KIF13A: variants seen among roughly 807,000 people sequenced by gnomAD.
The protein encoded by KIF13A is kinesin family member 13A, also known as kinesin-like protein KIF13A.
In KIF13A, 79 loss-of-function variants were observed where a neutral mutation model predicts 212.2. The observed-to-expected ratio is 0.37, with a 90% CI of 0.31 to 0.45. The LOEUF is 0.45. KIF13A is among the 20% of genes least tolerant of loss of function. The pLI is 1.00. For missense variants in KIF13A, 1,901 were observed against 2,209.0 expected, an observed-to-expected ratio of 0.86 and a Z score of 2.79; for synonymous variants, 789 against 808.6, an observed-to-expected ratio of 0.98 and a Z score of 0.41.
intron 18 of KIF13A, among the ~76,000 whole-genome samples, 182 bp from the exon 19 acceptor site, chr6:17,805,797 GCA>G (rs1306873867): frequency 6.6e-6 from 1 of 152,042 alleles, no homozygotes; most frequent in Non-Finnish European, 1.5e-5. Flanking sequence ...GTACACTCAT[GCA>G]CACTTTTTAA....
In KIF13A at chr6:17,899,202, G is replaced by A. The variant is rs1772841198; in HGVS notation, c.147-1022C>T. Among the ~76,000 whole-genome samples the A allele has an allele frequency of 6.6e-6, 1 of 152,022 alleles. No individual in the cohort carries two copies. The highest frequency in any genetic ancestry group is 1.5e-5 in the Non-Finnish European group (1 of 68,016). ...ATATTTTCTTCATGTATAAAATTAA[G>A]GAGCTCAATTATGATTTCTAAGTTA... On this transcript the variant is annotated intron_variant, in intron 2 of 38. Coordinates refer to ENST00000259711, the MANE Select transcript of KIF13A (RefSeq NM_022113.6). The surrounding 1 kb of genome is among the most constrained non-coding windows in gnomAD (Gnocchi z 5.2).
In KIF13A at chr6:17,888,548, C is replaced by T. The variant is rs1360653999; in HGVS notation, c.159+9620G>A. ...CACACTGAAAAGTAAAAGAGGCCAA[C>T]CATGGTGGCTTATGCCTGTAATCCC... On this transcript the variant is annotated intron_variant, in intron 3 of 38. Coordinates refer to ENST00000259711, the MANE Select transcript of KIF13A (RefSeq NM_022113.6). This position sits in a 1 kb window ranked among gnomAD's most constrained non-coding sequence, Gnocchi z 4.8. Among the ~76,000 whole-genome samples, 1 of 152,112 alleles carries T rather than the reference C, an allele frequency of 6.6e-6. No homozygotes were observed. Among genetic ancestry groups the T allele is most frequent in the African/African-American group, 2.4e-5 (1 of 41,434 alleles).
At chr6:17,940,421 A>T (rs1776860753) in intron 2 of KIF13A, among the ~76,000 whole-genome samples, 1 of 152,222 alleles carries the variant, frequency 6.6e-6, no homozygotes, top group Admixed American at 6.5e-5. Context: ...TGGAGAAAGC[A>T]TTACTGTTTA....
chr6:17,944,406 A>G (rs1170685920), intron 2 of KIF13A, among the ~76,000 whole-genome samples: 1 of 152,176 alleles, frequency 6.6e-6, no homozygotes, highest in Non-Finnish European at 1.5e-5. Flanking sequence ...GCTAGAACAC[A>G]AGTTACCATT....
rs895351647 is a variant in KIF13A at position 17,947,618 on chromosome 6, C to G, written c.146+39436G>C. Among the ~76,000 whole-genome samples the G allele has an allele frequency of 3.9e-5, 6 of 152,078 alleles. No individual in the cohort carries two copies. The highest frequency in any genetic ancestry group is 7.4e-5 in the Non-Finnish European group (5 of 68,010). On this transcript the variant is annotated intron_variant, in intron 2 of 38. Transcript: ENST00000259711. This position sits in a 1 kb window ranked among gnomAD's most constrained non-coding sequence, Gnocchi z 4.6. ...CCGAGGTGGGTGGATCACCTGAGGTCAGGAGTTTGAGACCAGCCGACCAGC... is the reference window on the plus strand; with the variant it reads ...CCGAGGTGGGTGGATCACCTGAGGTGAGGAGTTTGAGACCAGCCGACCAGC...
In KIF13A at chr6:17,987,591, G is replaced by A; in HGVS notation, c.-128C>T. The A allele has an allele frequency of 5.4e-6, 2 of 372,154 alleles. No homozygotes were observed. The highest frequency in any genetic ancestry group is 7.3e-6 in the Non-Finnish European group (2 of 272,778). 23.1% of individuals were successfully genotyped at this position (372,154 alleles called of 1,614,324 possible). A position where few individuals can be genotyped will look rare whatever the true frequency, so the allele number is the denominator to read the frequency against. On this transcript the variant is annotated 5_prime_UTR_variant, in exon 1 of 39. Transcript: ENST00000259711. This position sits in a 1 kb window ranked among gnomAD's most constrained non-coding sequence, Gnocchi z 7.7. ...CCGCCGCCGCTCCGCCGTGAGCTCC[G>A]AGAGGCAGCGCCGAGGCGCGCGGGC... is the stretch of plus-strand genomic sequence containing the variant.
chr6:17,806,706 C>T (rs1345864207), intron 18 of KIF13A, among the ~76,000 whole-genome samples: 1 of 152,022 alleles, frequency 6.6e-6, no homozygotes, highest in Non-Finnish European at 1.5e-5. Context: ...ATGGTGAAAC[C>T]CTGCCTCTAC....
rs560227645 is a variant in KIF13A, at chr6:17,819,424, G to A, written c.1787-2191C>T. Among the ~76,000 whole-genome samples the A allele has an allele frequency of 7.2e-5, 11 of 152,094 alleles. No individual in the cohort carries two copies. In the South Asian group the frequency reaches 1.7e-3, roughly 23 times the overall value. On this transcript the variant is annotated intron_variant, in intron 16 of 38. Coordinates refer to ENST00000259711, the MANE Select transcript of KIF13A (RefSeq NM_022113.6). ...CTAAAAACACAAAAACTAGTCAGGC[G>A]TGGTGGCATGTGCCTGTAGTCCCAG... is the stretch of plus-strand genomic sequence containing the variant.
chr6:17,966,837 G>A (rs986639580), intron 2 of KIF13A, among the ~76,000 whole-genome samples: 1 of 152,090 alleles, frequency 6.6e-6, no homozygotes, highest in Non-Finnish European at 1.5e-5. Flanking sequence ...AGTATTTGCT[G>A]TAAATACTCA....
At chr6:17,940,658 A>C (rs1266301229) in intron 2 of KIF13A, among the ~76,000 whole-genome samples, 1 of 152,180 alleles carries the variant, frequency 6.6e-6, no homozygotes, top group African/African-American at 2.4e-5. Flanking sequence ...AGACAGCAGA[A>C]GGCAGGGCTT....
downstream of KIF13A, among the ~76,000 whole-genome samples, chr6:17,761,545 G>A (rs922191886): frequency 2.6e-5 from 4 of 152,004 alleles, no homozygotes; most frequent in African/African-American, 7.2e-5. Flanking sequence ...CACCACTGCC[G>A]GCTAATTTTG....
At position 17,818,606 on chromosome 6, in the gene KIF13A, G is replaced by C. The variant is rs189714665; in HGVS notation, c.1787-1373C>G. On this transcript the variant is annotated intron_variant, in intron 16 of 38. Transcript: ENST00000259711. ...AACTCTACTAGCTCCTGGCTACATC[G>C]CAAGTAGAGGTTCTATCTGCTTTGC... Among the ~76,000 whole-genome samples, 767 of 152,224 alleles carry C rather than the reference G, an allele frequency of 5.0e-3. 5 individuals carry two copies. The highest frequency in any genetic ancestry group is 0.011 in the South Asian group (55 of 4,830).
At chr6:17,792,962 A>G (rs1231580052) in intron 25 of KIF13A, among the ~76,000 whole-genome samples, 1 of 152,210 alleles carries the variant, frequency 6.6e-6, no homozygotes, top group African/African-American at 2.4e-5. Context: ...CCGATCACAT[A>G]TGACGGTGAG....
intron 7 of KIF13A, among the ~76,000 whole-genome samples, chr6:17,851,203 T>C (rs912962194): frequency 2.6e-5 from 4 of 152,166 alleles, no homozygotes; most frequent in Non-Finnish European, 5.9e-5. Flanking sequence ...TTTAAAATGA[T>C]CACTGTGCTC....
intron 3 of KIF13A, among the ~76,000 whole-genome samples, chr6:17,887,031 C>T (rs1213147894): frequency 6.6e-6 from 1 of 152,174 alleles, no homozygotes. Context: ...ACATGACATG[C>T]AGTGCCTGTA....
chr6:17,824,445 G>A (rs983988019), intron 16 of KIF13A, among the ~76,000 whole-genome samples: 75 of 152,174 alleles, frequency 4.9e-4, no homozygotes, highest in African/African-American at 1.7e-3. Flanking sequence ...CAATGTTTAA[G>A]GGAAGAGCTC....
In KIF13A at chr6:17,895,698, C is replaced by T. The variant is rs866126745; in HGVS notation, c.159+2470G>A. ...ATATGCATTTGCTCTGTCTTTAAGC[C>T]GCTCCTTCCTGAATGGCATATATCT... On this transcript the variant is annotated intron_variant, in intron 3 of 38. Transcript: ENST00000259711. This position sits in a 1 kb window ranked among gnomAD's most constrained non-coding sequence, Gnocchi z 4.4. Among the ~76,000 whole-genome samples the T allele has an allele frequency of 7.9e-5, 12 of 152,144 alleles. No homozygotes were observed. Among genetic ancestry groups the T allele is most frequent in the Non-Finnish European group, 1.8e-4 (12 of 68,014 alleles).
chr6:17,944,289 A>G (rs1777196365), intron 2 of KIF13A, among the ~76,000 whole-genome samples: 1 of 152,198 alleles, frequency 6.6e-6, no homozygotes. Flanking sequence ...TACACACTCA[A>G]GTTCTTATAG....
intron 16 of KIF13A, chr6:17,822,049 T>C (rs1764510799): frequency 2.2e-6 from 2 of 900,050 alleles, no homozygotes; most frequent in African/African-American, 3.4e-5. Flanking sequence ...ACTTCTTTTT[T>C]TTTTTTTTGT....
Sources: gnomAD v4.1 joint callset for allele counts (sites outside exome capture counted in the v4.1 genomes callset) on GRCh38, gnomAD v4.1.1 for gene constraint, Gnocchi (gnomAD v3.1) non-coding constraint, MANE v1.5 for transcripts, NCBI Gene and HGNC (gene_info 2026-07-23, HGNC 2026-07-21) for gene names.